ANGPT1: variants seen among roughly 807,000 people sequenced by gnomAD.
ANGPT1 encodes the protein angiopoietin 1.
In ANGPT1, 17 loss-of-function variants were observed where a neutral mutation model predicts 62.2. That is an observed-to-expected ratio of 0.27 (90% CI 0.19 to 0.41). ANGPT1 has a LOEUF of 0.41. Among genes scored for constraint, ANGPT1 ranks in the 10% least tolerant of loss-of-function variants. The pLI is 1.00. For synonymous variants in ANGPT1, 199 were observed against 198.9 expected, an observed-to-expected ratio of 1.00 and a Z score of 0.00; for missense variants, 478 against 594.9, an observed-to-expected ratio of 0.80 and a Z score of 2.04.
At chr8:107,281,030 A>AT (rs1291767029) in intron 7 of ANGPT1, among the ~76,000 whole-genome samples, 2 of 152,026 alleles carry the variant, frequency 1.3e-5, no homozygotes, top group Non-Finnish European at 2.9e-5. Context: ...TTACATTATT[A>AT]TTTTTTCTTA....
At chr8:107,425,092 C>G (rs912805217) in intron 1 of ANGPT1, among the ~76,000 whole-genome samples, 2 of 152,162 alleles carry the variant, frequency 1.3e-5, no homozygotes, top group African/African-American at 4.8e-5. Context: ...CCAGGCTGGT[C>G]TCAAACTACT....
At chr8:107,480,307 G>A (rs990206598) in intron 1 of ANGPT1, among the ~76,000 whole-genome samples, 13 of 152,128 alleles carry the variant, frequency 8.5e-5, no homozygotes, top group Non-Finnish European at 1.9e-4. Flanking sequence ...TCTAGTTTGA[G>A]GCACTAAGAA....
intron 1 of ANGPT1, among the ~76,000 whole-genome samples, chr8:107,435,264 C>T (rs1278623495): frequency 6.6e-6 from 1 of 152,060 alleles, no homozygotes; most frequent in East Asian, 1.9e-4. Context: ...AAATCATACC[C>T]CCCAAAAGCT....
intron 1 of ANGPT1, among the ~76,000 whole-genome samples, chr8:107,458,122 T>C (rs532576456): frequency 1.3e-5 from 2 of 152,296 alleles, no homozygotes; most frequent in African/African-American, 4.8e-5. Flanking sequence ...AATTCCAGTA[T>C]GTACTGATAA....
In ANGPT1 at chr8:107,414,072, C is replaced by G. The variant is rs536463086; in HGVS notation, c.298-66975G>C. 2.0e-5 allele frequency among the ~76,000 whole-genome samples: 3 copies of G among 152,244 alleles called. No individual in the cohort carries two copies. In the South Asian group the frequency reaches 6.2e-4, roughly 32 times the overall value. On this transcript the variant is annotated intron_variant, in intron 1 of 8. Coordinates refer to ENST00000517746, the MANE Select transcript of ANGPT1 (RefSeq NM_001146.5). ...CATCTGTTCATGATTGCAGAGGGCC[C>G]TTGATCCATGGGTATAGGGTTTATG...
intron 1 of ANGPT1, among the ~76,000 whole-genome samples, chr8:107,365,335 T>C (rs1255691947): frequency 4.6e-5 from 7 of 152,176 alleles, no homozygotes; most frequent in Non-Finnish European, 1.0e-4. Context: ...CCATGAGAAG[T>C]AGTGCCTTAT....
intron 1 of ANGPT1, among the ~76,000 whole-genome samples, chr8:107,408,174 C>A (rs1817188435): frequency 6.6e-6 from 1 of 152,136 alleles, no homozygotes; most frequent in Admixed American, 6.6e-5. Flanking sequence ...TGTGGTATTA[C>A]AATAACAATA....
At chr8:107,405,439 G>A (rs1248061686) in intron 1 of ANGPT1, among the ~76,000 whole-genome samples, 2 of 151,892 alleles carry the variant, frequency 1.3e-5, no homozygotes, top group Non-Finnish European at 2.9e-5. Context: ...GTGCTGATAT[G>A]ATGCCACAAA....
chr8:107,361,505 T>C lies in ANGPT1; in HGVS notation c.298-14408A>G, dbSNP rs1189208292. Among the ~76,000 whole-genome samples, 5 of 147,226 alleles carry C rather than the reference T, an allele frequency of 3.4e-5. No homozygotes were observed. In the South Asian group the frequency reaches 1.1e-3, roughly 31 times the overall value. On this transcript the variant is annotated intron_variant, in intron 1 of 8. Transcript: ENST00000517746. ...ACATATGTATCTGTGTATCTATATCTATATCTATAGAATATATGTATATAT... is the reference window on the plus strand; with the variant it reads ...ACATATGTATCTGTGTATCTATATCCATATCTATAGAATATATGTATATAT...
chr8:107,481,311 G>A (rs1437727195), intron 1 of ANGPT1, among the ~76,000 whole-genome samples: 2 of 151,828 alleles, frequency 1.3e-5, no homozygotes, highest in African/African-American at 4.8e-5. Context: ...GAGGCAGGTG[G>A]ATCACGAGGT....
At chr8:107,396,917 C>T (rs1174661107) in intron 1 of ANGPT1, among the ~76,000 whole-genome samples, 2 of 151,896 alleles carry the variant, frequency 1.3e-5, no homozygotes, top group Admixed American at 1.3e-4. Flanking sequence ...AAGCTGTTGA[C>T]CGGCACTTCA....
chr8:107,394,960 T>C (rs7001399), intron 1 of ANGPT1, among the ~76,000 whole-genome samples: 13,804 of 152,052 alleles, frequency 0.091, 708 homozygotes, highest in Non-Finnish European at 0.12. Flanking sequence ...GATCCAGTTA[T>C]TTTTTTTAAA....
At chr8:107,395,981 G>C (rs1816926891) in intron 1 of ANGPT1, among the ~76,000 whole-genome samples, 1 of 152,166 alleles carries the variant, frequency 6.6e-6, no homozygotes, top group Admixed American at 6.5e-5. Context: ...CTTATGTCCT[G>C]TTATGATATT....
intron 1 of ANGPT1, among the ~76,000 whole-genome samples, chr8:107,385,215 T>C (rs925785489): frequency 3.3e-5 from 5 of 152,118 alleles, no homozygotes; most frequent in Non-Finnish European, 7.4e-5. Context: ...GGTAAATTGC[T>C]TTTTGTAGTA....
At chr8:107,476,246 T>C (rs1408351785) in intron 1 of ANGPT1, among the ~76,000 whole-genome samples, 4 of 152,200 alleles carry the variant, frequency 2.6e-5, no homozygotes, top group African/African-American at 9.6e-5. Flanking sequence ...CATGGAATAC[T>C]ATGCAGCCAT....
chr8:107,425,611 A>G (rs1811020243), intron 1 of ANGPT1, among the ~76,000 whole-genome samples: 1 of 152,140 alleles, frequency 6.6e-6, no homozygotes, highest in South Asian at 2.1e-4. Flanking sequence ...CCAGTCATAG[A>G]AACTAAATCC....
Position 107,326,895 on chromosome 8 carries a change from A to G in ANGPT1, c.576-4767T>C, listed in dbSNP as rs141782702. Among the ~76,000 whole-genome samples, 1,211 of 152,172 alleles carry G rather than the reference A, an allele frequency of 8.0e-3. 13 individuals carry two copies. Among genetic ancestry groups the G allele is most frequent in the African/African-American group, 0.028 (1,149 of 41,542 alleles). ...TTCTAAGTTGTTAGACTGGAAATCTACTCAAGACATCCCACTGCTGTGTCA... is the reference window on the plus strand; with the variant it reads ...TTCTAAGTTGTTAGACTGGAAATCTGCTCAAGACATCCCACTGCTGTGTCA... On this transcript the variant is annotated intron_variant, in intron 3 of 8. Coordinates refer to ENST00000517746, the MANE Select transcript of ANGPT1 (RefSeq NM_001146.5).
intron 4 of ANGPT1, among the ~76,000 whole-genome samples, chr8:107,310,034 A>C (rs1016255330): frequency 1.3e-5 from 2 of 152,186 alleles, no homozygotes; most frequent in Non-Finnish European, 2.9e-5. Context: ...TATTTTAATT[A>C]AACATTTTTA....
In ANGPT1 at chr8:107,251,282, A is replaced by T. The variant is rs369713645; in HGVS notation, c.*573T>A. On this transcript the variant is annotated 3_prime_UTR_variant, in exon 9 of 9. Transcript: ENST00000517746. ...ATGGGTAAGCAGAAATCAACTAGTA[A>T]GTATGATACTGGAATTAGGCTTCTG... 2 of 152,772 alleles carry T rather than the reference A, an allele frequency of 1.3e-5. No homozygotes were observed. The highest frequency in any genetic ancestry group is 3.8e-4 in the East Asian group (2 of 5,204). The allele number at this position is 152,772 out of a possible 1,614,324, so 9.5% of individuals were successfully genotyped here.
Sources: allele counts gnomAD v4.1 joint callset (sites outside exome capture counted in the v4.1 genomes callset), GRCh38; gene constraint gnomAD v4.1.1; transcripts MANE v1.5; gene names NCBI Gene and HGNC (gene_info 2026-07-23, HGNC 2026-07-21).